BCL7C: variants seen among roughly 807,000 people sequenced by gnomAD.
BCL7C encodes B-cell CLL/lymphoma 7 protein family member C.
Under a neutral mutation model 26.2 loss-of-function variants are expected in BCL7C, and 8 were observed. The observed-to-expected ratio is 0.30, with a 90% CI of 0.18 to 0.55. BCL7C has a LOEUF of 0.55. Among genes scored for constraint, BCL7C ranks in the 20% least tolerant of loss-of-function variants. The pLI is 0.93. For missense variants in BCL7C, 262 were observed against 298.5 expected (o/e 0.88, Z 0.90); for synonymous variants, 90 against 116.5 (o/e 0.77, Z 1.47).
rs192984581 is a variant in BCL7C at position 30,854,978 on chromosome 16, G to A, written c.529-19830C>T. Among the ~76,000 whole-genome samples, 317 of 151,858 alleles carry A rather than the reference G, an allele frequency of 2.1e-3. 1 individual carries two copies. The highest frequency in any genetic ancestry group is 7.2e-3 in the African/African-American group (299 of 41,404). On this transcript the variant is annotated intron_variant, in intron 5 of 5. Transcript: ENST00000380317. ...CTTCCAAAGTGCTGGGATTACAGGC[G>A]TGAGCCACCATGCCCAACCTCACCA...
At chr16:30,882,333 A>G (rs2055056394) in intron 5 of BCL7C, among the ~76,000 whole-genome samples, 1 of 152,148 alleles carries the variant, frequency 6.6e-6, no homozygotes, top group African/African-American at 2.4e-5. Flanking sequence ...ACCTATTGCT[A>G]TGAATAAAGG....
At chr16:30,865,701 G>C (rs186381591) in intron 5 of BCL7C, among the ~76,000 whole-genome samples, 2 of 150,328 alleles carry the variant, frequency 1.3e-5, no homozygotes, top group Admixed American at 1.3e-4. Context: ...ACATTTTACC[G>C]TGCACATACA....
chr16:30,851,941 AT>A, intron 5 of BCL7C: 1 of 180,918 alleles, frequency 5.5e-6, no homozygotes, highest in Non-Finnish European at 1.2e-5. Context: ...GATTTTTTTA[AT>A]TTTTGGTAAG....
intron 4 of BCL7C, among the ~76,000 whole-genome samples, chr16:30,890,543 A>G (rs2055209755): frequency 6.6e-6 from 1 of 151,602 alleles, no homozygotes; most frequent in Non-Finnish European, 1.5e-5. Flanking sequence ...TAAAAATTAA[A>G]TGAGAAAAAA....
At chr16:30,842,018 C>T (rs1049262780) in intron 5 of BCL7C, among the ~76,000 whole-genome samples, 1 of 151,574 alleles carries the variant, frequency 6.6e-6, no homozygotes, top group Admixed American at 6.6e-5. Context: ...TGCCCCCTGA[C>T]CCCTTCTTCC....
Position 30,892,665 on chromosome 16 carries a change from G to A in BCL7C, c.363C>T (p.Pro121=). The change falls in exon 4 of 6, where the codon CCC becomes CCT. Residue 121 remains proline, a synonymous_variant. Transcript: ENST00000215115. ...TEPSPGGTPQ[P]SRPVSPAGPP... ...GTCCGGCAGGTGACACAGGGCGGCTGGGCTGGGGGGTGCCCCCAGGACTGG... is the reference window on the plus strand; with the variant it reads ...GTCCGGCAGGTGACACAGGGCGGCTAGGCTGGGGGGTGCCCCCAGGACTGG... The A allele has an allele frequency of 6.2e-7, 1 of 1,613,892 alleles. No individual in the cohort carries two copies. The highest frequency in any genetic ancestry group is 1.1e-5 in the South Asian group (1 of 91,072).
chr16:30,887,849 C>G lies in BCL7C; in HGVS notation c.*16G>C, dbSNP rs776569102. The G allele has an allele frequency of 2.6e-6, 4 of 1,561,868 alleles. No individual in the cohort carries two copies. Among genetic ancestry groups the G allele is most frequent in the Admixed American group, 2.1e-5 (1 of 47,862 alleles). Reference sequence around the variant, plus strand: ...CAAAGGGGCCCCTGGGGCAACAGGACAGGCAGGCCGGCTTCTCAGGGGTCA... The same window carrying G: ...CAAAGGGGCCCCTGGGGCAACAGGAGAGGCAGGCCGGCTTCTCAGGGGTCA... On this transcript the variant is annotated 3_prime_UTR_variant, in exon 6 of 6. Coordinates refer to ENST00000215115, the MANE Select transcript of BCL7C (RefSeq NM_004765.4).
intron 5 of BCL7C, chr16:30,851,627 C>T: frequency 1.9e-6 from 1 of 539,680 alleles, no homozygotes; most frequent in Non-Finnish European, 3.4e-6. Context: ...CCACAGCAGG[C>T]CTTGCAGTTT....
intron 5 of BCL7C, among the ~76,000 whole-genome samples, chr16:30,850,013 T>G (rs2054662117): frequency 6.6e-6 from 1 of 151,620 alleles, no homozygotes; most frequent in Non-Finnish European, 1.5e-5. Context: ...ATCAAGACCA[T>G]CCTGGCTAAC....
chr16:30,848,552 T>C (rs2054649620), intron 5 of BCL7C, among the ~76,000 whole-genome samples: 1 of 152,174 alleles, frequency 6.6e-6, no homozygotes, highest in Non-Finnish European at 1.5e-5. Context: ...CAATATTTCT[T>C]GGTCTGTTTC....
Position 30,834,762 on chromosome 16 carries a change from G to A in BCL7C, c.*186C>T, listed in dbSNP as rs1400774044. 7.0e-6 allele frequency: 4 copies of A among 568,892 alleles called. No homozygotes were observed. Among genetic ancestry groups the A allele is most frequent in the South Asian group, 4.9e-5 (2 of 40,610 alleles). The allele number at this position is 568,892 out of a possible 1,614,324, so 35.2% of individuals were successfully genotyped here. Reference sequence around the variant, plus strand: ...CCCTAAGCCCTTCCCATGCATTCGGGCGCCAGTGGCGAGCCAGATGGGTGC... The same window carrying A: ...CCCTAAGCCCTTCCCATGCATTCGGACGCCAGTGGCGAGCCAGATGGGTGC... On this transcript the variant is annotated 3_prime_UTR_variant, in exon 6 of 6. Coordinates refer to the BCL7C transcript ENST00000380317. The surrounding 1 kb of genome is among the most constrained non-coding windows in gnomAD (Gnocchi z 4.3).
chr16:30,836,619 G>A (rs184417117), intron 5 of BCL7C, among the ~76,000 whole-genome samples: 6 of 151,646 alleles, frequency 4.0e-5, no homozygotes, highest in Admixed American at 2.6e-4. Context: ...GGACTTACAG[G>A]TGCATATCAC....
intron 4 of BCL7C, among the ~76,000 whole-genome samples, chr16:30,891,692 C>G (rs1489967898): frequency 6.6e-6 from 1 of 151,874 alleles, no homozygotes; most frequent in Non-Finnish European, 1.5e-5. Context: ...GGGCCAGGCA[C>G]AGTGACTCAC....
intron 5 of BCL7C, among the ~76,000 whole-genome samples, chr16:30,853,681 G>A (rs961873189): frequency 6.6e-6 from 1 of 152,164 alleles, no homozygotes; most frequent in Non-Finnish European, 1.5e-5. Flanking sequence ...AGCAGCTTCT[G>A]CTAAACCCTT....
At chr16:30,886,059 C>CA (rs1205151865), downstream of BCL7C, among the ~76,000 whole-genome samples, 1 of 152,120 alleles carries the variant, frequency 6.6e-6, no homozygotes, top group Non-Finnish European at 1.5e-5. Flanking sequence ...AAGCTGGTCT[C>CA]AAACTCCTGG....
exon 6 of BCL7C, chr16:30,835,093 T>C: frequency 6.5e-7 from 1 of 1,544,798 alleles, no homozygotes; most frequent in Non-Finnish European, 8.8e-7. Context: ...CCTGAGGGGC[T>C]CTGTCTTCAG....
At chr16:30,879,793 T>C (rs2055015271) in intron 5 of BCL7C, among the ~76,000 whole-genome samples, 1 of 146,436 alleles carries the variant, frequency 6.8e-6, no homozygotes, top group Admixed American at 7.0e-5. Context: ...ATCGAGACCA[T>C]CCTGGCTAAA....
At chr16:30,853,952 G>A (rs1309641476) in intron 5 of BCL7C, among the ~76,000 whole-genome samples, 1 of 152,166 alleles carries the variant, frequency 6.6e-6, no homozygotes, top group Non-Finnish European at 1.5e-5. Context: ...CCTTTTGAGT[G>A]TCTTCCTCCA....
chr16:30,849,853 T>A (rs2054660737), intron 5 of BCL7C, among the ~76,000 whole-genome samples: 2 of 151,470 alleles, frequency 1.3e-5, no homozygotes, highest in African/African-American at 4.8e-5. Context: ...CATGCCTAGC[T>A]AACTTTTGTA....
Sources: gnomAD v4.1 joint callset for allele counts (sites outside exome capture counted in the v4.1 genomes callset) on GRCh38, gnomAD v4.1.1 for gene constraint, Gnocchi (gnomAD v3.1) non-coding constraint, MANE v1.5 for transcripts, NCBI Gene and HGNC (gene_info 2026-07-23, HGNC 2026-07-21) for gene names.